The following ANKRD12 variants were observed in gnomAD, a reference collection of about 807,000 sequenced individuals.
The protein encoded by ANKRD12 is ankyrin repeat domain 12, also known as ankyrin repeat domain-containing protein 12.
In ANKRD12, 85 loss-of-function variants were observed where a neutral mutation model predicts 183.4. That is an observed-to-expected ratio of 0.46 (90% confidence interval 0.39 to 0.56). ANKRD12 has a LOEUF of 0.56. Ranked by LOEUF, ANKRD12 falls within the 20% of genes least tolerant of loss-of-function variation. ANKRD12 has a pLI of 0.00. For synonymous variants in ANKRD12, 914 were observed against 800.2 expected (o/e 1.14, Z -2.40); for missense variants, 2,405 against 2,357.1 (o/e 1.02, Z -0.42).
intron 5 of ANKRD12, among the ~76,000 whole-genome samples, chr18:9,210,846 T>G (rs2035764272): frequency 6.6e-6 from 1 of 151,872 alleles, no homozygotes; most frequent in Non-Finnish European, 1.5e-5. Flanking sequence ...ATTTTCCATA[T>G]ATTTCTTTTC....
At chr18:9,153,518 A>G (rs1015741443) in intron 1 of ANKRD12, among the ~76,000 whole-genome samples, 1 of 152,198 alleles carries the variant, frequency 6.6e-6, no homozygotes, top group Non-Finnish European at 1.5e-5. Flanking sequence ...CTCATTTATC[A>G]AATATTGAAT....
intron 1 of ANKRD12, among the ~76,000 whole-genome samples, chr18:9,143,158 C>T (rs907767490): frequency 3.3e-5 from 5 of 152,164 alleles, no homozygotes; most frequent in African/African-American, 1.2e-4. Context: ...CTATTAGATA[C>T]TTTCATGTAT....
intron 10 of ANKRD12, among the ~76,000 whole-genome samples, chr18:9,266,079 AGAAAC>A (rs1043500152): frequency 7.2e-5 from 11 of 152,252 alleles, no homozygotes; most frequent in African/African-American, 2.7e-4. Context: ...AAGAATAAAA[AGAAAC>A]GAACAAAGCC....
At chr18:9,156,696 TAGCCAGAAGGTAGAAAC>T (rs1425626567) in intron 1 of ANKRD12, among the ~76,000 whole-genome samples, 4 of 152,164 alleles carry the variant, frequency 2.6e-5, no homozygotes, top group Non-Finnish European at 5.9e-5. Flanking sequence ...TTATTCACAA[TAGCCAGAAGGTAGAAAC>T]AGCCCAATAT....
At chr18:9,157,079 C>T (rs1341217858) in intron 1 of ANKRD12, among the ~76,000 whole-genome samples, 1 of 152,184 alleles carries the variant, frequency 6.6e-6, no homozygotes, top group Non-Finnish European at 1.5e-5. Context: ...GTGGATGTTA[C>T]TCAGTGCCAC....
intron 1 of ANKRD12, among the ~76,000 whole-genome samples, chr18:9,174,062 T>C (rs1291446962): frequency 6.6e-6 from 1 of 152,168 alleles, no homozygotes; most frequent in African/African-American, 2.4e-5. Flanking sequence ...GGGGTCCCAC[T>C]TAAAAGAGCA....
chr18:9,186,545 T>G (rs73392377), intron 2 of ANKRD12, among the ~76,000 whole-genome samples: 1,599 of 152,232 alleles, frequency 0.011, 36 homozygotes, highest in African/African-American at 0.036. Context: ...AAAGCTGTTG[T>G]TAGAAGTATT....
chr18:9,218,540 A>G (rs1262727053), intron 7 of ANKRD12, among the ~76,000 whole-genome samples: 1 of 152,232 alleles, frequency 6.6e-6, no homozygotes, highest in Non-Finnish European at 1.5e-5. Flanking sequence ...AGATGGGAAA[A>G]GCAGAAATAT....
intron 4 of ANKRD12, among the ~76,000 whole-genome samples, chr18:9,208,276 T>A (rs953045364): frequency 6.6e-6 from 1 of 152,172 alleles, no homozygotes; most frequent in Admixed American, 6.6e-5. Context: ...CTATATAGGC[T>A]TATCAGCAAT....
chr18:9,207,481 C>T (rs2035551403), intron 4 of ANKRD12, among the ~76,000 whole-genome samples: 2 of 151,958 alleles, frequency 1.3e-5, no homozygotes, highest in Non-Finnish European at 2.9e-5. Flanking sequence ...ATAAAGGTGA[C>T]AGAGTATCCT....
intron 9 of ANKRD12, 76 bp from the exon 10 acceptor site, chr18:9,263,714 G>C (rs1209703543): frequency 8.9e-7 from 1 of 1,123,210 alleles, no homozygotes; most frequent in Non-Finnish European, 1.2e-6. Context: ...GCACTAAAAG[G>C]GTTTAATTTT....
intron 5 of ANKRD12, among the ~76,000 whole-genome samples, chr18:9,210,414 A>G (rs935561094): frequency 5.1e-4 from 78 of 152,150 alleles, no homozygotes; most frequent in African/African-American, 1.7e-3. Flanking sequence ...TACCGAGACA[A>G]TGTACTTTAA....
rs1320917328 is a variant in ANKRD12 at position 9,257,300 on chromosome 18, T to C, written c.4033T>C (p.Ser1345Pro). 1 of 1,614,116 alleles carries C rather than the reference T, an allele frequency of 6.2e-7. No individual in the cohort carries two copies. The highest frequency in any genetic ancestry group is 1.1e-5 in the South Asian group (1 of 91,086). ...AACTGTGCCAGGAGATACTAGTCCTTCTCCCAAACCTGAGGTATTCTCAAA... is the reference window on the plus strand; with the variant it reads ...AACTGTGCCAGGAGATACTAGTCCTCCTCCCAAACCTGAGGTATTCTCAAA... Reference protein sequence around the residue: ...LLTVPGDTSPSPKPEVFSNVP... With the variant: ...LLTVPGDTSPPPKPEVFSNVP... Residue 1345 changes from serine (S) to proline (P), a missense_variant, in exon 9 of 13, where the codon TCT (serine) becomes CCT (proline). By Grantham distance (74) the Ser-to-Pro change is moderately conservative (BLOSUM62 -1). Around this residue, in one of 7 missense-constraint regions of ANKRD12, gnomAD observed 1,983 missense variants for 1,725.9 expected, o/e 1.15. Coordinates refer to ENST00000262126, the MANE Select transcript of ANKRD12 (RefSeq NM_015208.5).
At chr18:9,180,904 A>G (rs1284632473) in intron 1 of ANKRD12, among the ~76,000 whole-genome samples, 1 of 152,170 alleles carries the variant, frequency 6.6e-6, no homozygotes, top group Non-Finnish European at 1.5e-5. Context: ...TTTTATCTTC[A>G]TAGTCTCACT....
In ANKRD12 at chr18:9,158,080, T is replaced by A. The variant is rs1225880365; in HGVS notation, c.-52+21115T>A. On this transcript the variant is annotated intron_variant, in intron 1 of 12. Transcript: ENST00000262126. The stretch of plus-strand genomic sequence containing the variant: ...TGAAGAGGATGGAGTCGTTGCTTAA[T>A]GGCTTCCAAACCATCAGAGTTACCT... 2.6e-5 allele frequency among the ~76,000 whole-genome samples: 4 copies of A among 152,182 alleles called. 1 individual carries two copies. The highest frequency in any genetic ancestry group is 5.9e-5 in the Non-Finnish European group (4 of 68,038).
At chr18:9,190,689 G>T (rs975823112) in intron 2 of ANKRD12, among the ~76,000 whole-genome samples, 2 of 152,150 alleles carry the variant, frequency 1.3e-5, no homozygotes, top group African/African-American at 4.8e-5. Flanking sequence ...CCTAAGGCAA[G>T]ACCCTCCACC....
chr18:9,235,266 G>A (rs1330670625), intron 8 of ANKRD12, among the ~76,000 whole-genome samples: 1 of 152,116 alleles, frequency 6.6e-6, no homozygotes, highest in East Asian at 1.9e-4. Context: ...TACTTAGAAG[G>A]CTGAGGTGGG....
intron 10 of ANKRD12, among the ~76,000 whole-genome samples, chr18:9,269,808 G>T (rs1476012557): frequency 1.3e-5 from 2 of 152,124 alleles, no homozygotes; most frequent in Non-Finnish European, 2.9e-5. Context: ...CACAGCAAAA[G>T]AAACTACCAT....
At chr18:9,240,347 T>C (rs988983319) in intron 8 of ANKRD12, among the ~76,000 whole-genome samples, 32 of 152,224 alleles carry the variant, frequency 2.1e-4, no homozygotes, top group Non-Finnish European at 2.1e-4. Flanking sequence ...AAGTCCATGT[T>C]ACCTTCCTCT....
Sources: allele counts gnomAD v4.1 joint callset (sites outside exome capture counted in the v4.1 genomes callset), GRCh38; gene constraint gnomAD v4.1.1; regional missense constraint gnomAD v4.1.1; transcripts MANE v1.5; gene names NCBI Gene and HGNC (gene_info 2026-07-23, HGNC 2026-07-21).